KDM6A: variants seen among roughly 807,000 people sequenced by gnomAD.
KDM6A encodes the protein lysine-specific demethylase 6A.
In KDM6A, 11 loss-of-function variants were observed where a neutral mutation model predicts 117.6. The observed-to-expected ratio is 0.09, with a 90% CI of 0.06 to 0.15. The LOEUF is 0.15. Among genes scored for constraint, KDM6A ranks in the 10% least tolerant of loss-of-function variants. The probability of loss-of-function intolerance (pLI) is 1.00; values close to 1 mark genes in which losing one functional copy is unlikely to be tolerated. For synonymous variants in KDM6A, 384 were observed against 396.1 expected, an observed-to-expected ratio of 0.97 and a Z score of 0.36; for missense variants, 799 against 1,077.3, an observed-to-expected ratio of 0.74 and a Z score of 3.62.
chrX:45,089,525 C>CA lies in KDM6A; in HGVS notation c.3705-201dup, dbSNP rs766771357. On this transcript the variant is annotated intron_variant, in intron 25 of 29. Coordinates refer to ENST00000611820, the MANE Select transcript of KDM6A (RefSeq NM_001291415.2). ...CAGGCAACAGAGCAAGACTTTGTCT[C>CA]AAAAAAAAAAAAAAAAAGTAACACT... 6.5e-3 allele frequency among the ~76,000 whole-genome samples: 331 copies of CA among 50,980 alleles called. 2 individuals carry two copies. The highest frequency in any genetic ancestry group is 0.014 in the East Asian group (23 of 1,693). 44.3% of individuals were successfully genotyped at this position (50,980 alleles called of 115,157 possible).
At chrX:45,094,408 G>C (rs1048659146) in intron 27 of KDM6A, among the ~76,000 whole-genome samples, 2 of 111,783 alleles carry the variant, frequency 1.8e-5, no homozygotes, top group Non-Finnish European at 3.8e-5. Context: ...GAAGAGAAAG[G>C]AATAGCACTT....
intron 8 of KDM6A, among the ~76,000 whole-genome samples, chrX:45,041,371 G>C (rs1197810420): frequency 1.0e-5 from 1 of 99,230 alleles, no homozygotes; most frequent in Non-Finnish European, 2.1e-5. Flanking sequence ...TCCCAGTAGG[G>C]GCGGCCGGGC....
chrX:44,877,852 C>T (rs776053192), intron 2 of KDM6A, among the ~76,000 whole-genome samples: 14 of 110,167 alleles, frequency 1.3e-4, no homozygotes, highest in African/African-American at 4.3e-4. Context: ...TGCTTTTTTC[C>T]GTAGGACATA....
At chrX:45,060,505 C>A in intron 13 of KDM6A, 104 bp from the exon 14 acceptor site, 1 of 630,344 alleles carries the variant, frequency 1.6e-6, no homozygotes, top group Non-Finnish European at 2.2e-6. Flanking sequence ...TCAGCGATGT[C>A]CACATAGCTT....
At chrX:44,977,711 A>G (rs1856306659) in intron 4 of KDM6A, among the ~76,000 whole-genome samples, 1 of 112,137 alleles carries the variant, frequency 8.9e-6, no homozygotes, top group Non-Finnish European at 1.9e-5. Flanking sequence ...TCTTGGTCTT[A>G]ATCAAGAACC....
At chrX:44,884,636 C>T (rs1021200360) in intron 2 of KDM6A, among the ~76,000 whole-genome samples, 3 of 111,784 alleles carry the variant, frequency 2.7e-5, no homozygotes, top group Non-Finnish European at 3.8e-5. Flanking sequence ...ATAATGGTAA[C>T]GTCTTGGAAG....
At chrX:45,068,811 TCTTTCTCTTTCTCTTTCCCTTTCC>T (rs1444601608) in intron 17 of KDM6A, among the ~76,000 whole-genome samples, 1 of 102,070 alleles carries the variant, frequency 9.8e-6, no homozygotes, top group African/African-American at 3.8e-5. Flanking sequence ...TTTCTCTTTC[TCTTTCTCTTTCTCTTTCCCTTTCC>T]CTTTCCCTTT....
intron 2 of KDM6A, among the ~76,000 whole-genome samples, chrX:44,936,864 T>C (rs1322921238): frequency 2.7e-5 from 3 of 112,139 alleles, no homozygotes; most frequent in African/African-American, 9.7e-5. Flanking sequence ...CAAAACATTT[T>C]GGACTTAGCA....
intron 4 of KDM6A, among the ~76,000 whole-genome samples, chrX:44,988,897 C>G (rs1305854282): frequency 9.0e-6 from 1 of 110,708 alleles, no homozygotes; most frequent in Non-Finnish European, 1.9e-5. Context: ...TCTCAGATCT[C>G]CAACTGCACT....
At chrX:45,002,735 A>G (rs987704153) in intron 4 of KDM6A, among the ~76,000 whole-genome samples, 29 of 111,011 alleles carry the variant, frequency 2.6e-4, no homozygotes, top group African/African-American at 9.5e-4. Context: ...TTCACAGACA[A>G]TTCTTTGACA....
rs2043870892 is a variant in KDM6A, at chrX:45,051,897, C to CCTTT, written c.748+96_748+99dup. ...AAATATGTGGCTCATATATTCTATT[C>CCTTT]CTTTGCTCAGAGTTGATAAAATTAT... On this transcript the variant is annotated intron_variant, in intron 9 of 29. Transcript: ENST00000611820. 2.9e-5 allele frequency: 15 copies of CCTTT among 511,253 alleles called. No homozygotes were observed. The South Asian group carries it at 4.6e-4, about 16-fold the overall frequency. The allele number at this position is 511,253 out of a possible 1,213,427, so 42.1% of individuals were successfully genotyped here. A position where few individuals can be genotyped will look rare whatever the true frequency, so the allele number is the denominator to read the frequency against.
intron 21 of KDM6A, 126 bp downstream of exon 21, chrX:45,079,477 G>A: frequency 2.0e-6 from 1 of 510,179 alleles, no homozygotes; most frequent in Non-Finnish European, 3.4e-6. Context: ...CTTTGTAAGT[G>A]TTCTCCAGTT....
chrX:44,937,280 A>G (rs763730250), intron 2 of KDM6A, among the ~76,000 whole-genome samples: 22 of 111,644 alleles, frequency 2.0e-4, no homozygotes, highest in South Asian at 1.5e-3. Flanking sequence ...ATGGATTAAC[A>G]TGAAAGAAGG....
intron 2 of KDM6A, among the ~76,000 whole-genome samples, chrX:44,919,175 A>G (rs1284006732): frequency 8.9e-6 from 1 of 111,922 alleles, no homozygotes; most frequent in Non-Finnish European, 1.9e-5. Context: ...TTAATGAACC[A>G]ATATTGATAC....
intron 4 of KDM6A, among the ~76,000 whole-genome samples, chrX:44,983,187 A>T (rs914355530): frequency 3.6e-5 from 4 of 111,699 alleles, no homozygotes; most frequent in African/African-American, 1.3e-4. Context: ...TTATTATCTA[A>T]TTCCTTTACT....
At chrX:45,044,597 CAT>C (rs2043441549) in intron 8 of KDM6A, among the ~76,000 whole-genome samples, 1 of 111,567 alleles carries the variant, frequency 9.0e-6, no homozygotes, top group Non-Finnish European at 1.9e-5. Context: ...AGCAAGTCCA[CAT>C]ATGTTTGCAT....
Position 44,959,017 on chromosome X carries a change from G to A in KDM6A, c.226-2267G>A, listed in dbSNP as rs930009249. 2.7e-5 allele frequency among the ~76,000 whole-genome samples: 3 copies of A among 110,719 alleles called. No individual in the cohort carries two copies. In the East Asian group the frequency reaches 8.5e-4, roughly 31 times the overall value. ...TCTTTAAAAAGTGTGTTAGATATTTGGCTGTATCTGATATTAGAATTACCT... is the reference window on the plus strand; with the variant it reads ...TCTTTAAAAAGTGTGTTAGATATTTAGCTGTATCTGATATTAGAATTACCT... On this transcript the variant is annotated intron_variant, in intron 2 of 29. Transcript: ENST00000611820.
At chrX:44,939,471 C>T (rs1364647032) in intron 2 of KDM6A, among the ~76,000 whole-genome samples, 2 of 112,086 alleles carry the variant, frequency 1.8e-5, no homozygotes, top group African/African-American at 6.5e-5. Flanking sequence ...GGAGGAGTTG[C>T]TTCTTATGGA....
chrX:45,095,725 C>T (rs2046074947), intron 27 of KDM6A, among the ~76,000 whole-genome samples: 1 of 111,896 alleles, frequency 8.9e-6, no homozygotes, highest in Admixed American at 9.5e-5. Context: ...CTCCTGTTCA[C>T]TCTGCCACCC....
Sources: gnomAD v4.1 joint callset for allele counts (sites outside exome capture counted in the v4.1 genomes callset) on GRCh38, gnomAD v4.1.1 for gene constraint, MANE v1.5 for transcripts, NCBI Gene and HGNC (gene_info 2026-07-23, HGNC 2026-07-21) for gene names.